Variants in TMX1 observed in about 807,000 individuals in gnomAD.
The protein encoded by TMX1 is thioredoxin related transmembrane protein 1.
Under a neutral mutation model 36.6 loss-of-function variants are expected in TMX1, and 25 were observed. That is an observed-to-expected ratio of 0.68 (90% CI 0.50 to 0.95). The LOEUF is 0.95. Among genes scored for constraint, TMX1 ranks in the 40% least tolerant of loss-of-function variants. The probability of loss-of-function intolerance (pLI) is 0.00; values close to 1 mark genes in which losing one functional copy is unlikely to be tolerated. For synonymous variants in TMX1, 133 were observed against 118.0 expected, an observed-to-expected ratio of 1.13 and a Z score of -0.82; for missense variants, 347 against 339.6, an observed-to-expected ratio of 1.02 and a Z score of -0.17.
At chr14:51,253,502 C>T (rs540633197) in intron 7 of TMX1, among the ~76,000 whole-genome samples, 11 of 152,290 alleles carry the variant, frequency 7.2e-5, no homozygotes, top group South Asian at 2.1e-4. Flanking sequence ...TCCTTCCTTG[C>T]GGGTGTCCCC....
At chr14:51,247,317 G>A in intron 4 of TMX1, 97 bp downstream of exon 4, 3 of 1,292,798 alleles carry the variant, frequency 2.3e-6, no homozygotes, top group Middle Eastern at 2.6e-4. Context: ...TGTTTCTTGA[G>A]CTGTTAAGGT....
intron 7 of TMX1, 56 bp from the exon 8 acceptor site, chr14:51,254,285 C>A: frequency 6.7e-7 from 1 of 1,494,778 alleles, no homozygotes. Flanking sequence ...CTTGATTTTA[C>A]TCTAAAGCAA....
In TMX1 at chr14:51,247,278, T is replaced by C. The variant is rs1184892051; in HGVS notation, c.443+58T>C. 11 of 1,505,298 alleles carry C rather than the reference T, an allele frequency of 7.3e-6. No individual in the cohort carries two copies. The East Asian group carries it at 1.9e-4, about 26-fold the overall frequency. The allele number at this position is 1,505,298 out of a possible 1,614,324, so 93.2% of individuals were successfully genotyped here. ...CATAATTAATTGGAACAGATAATTA[T>C]ATTTTATGTAAAGCATTCATACTCA... is the stretch of plus-strand genomic sequence containing the variant. On this transcript the variant is annotated intron_variant, in intron 4 of 7. Coordinates refer to ENST00000457354, the MANE Select transcript of TMX1 (RefSeq NM_030755.5).
At position 51,254,541 on chromosome 14, in the gene TMX1, ATAT is replaced by A. The variant is rs1485438257; in HGVS notation, c.*26_*28del. ...CTAGTTAAATTTTATAGTTATCTTAATATTATGATTTTGATAAAAACAGAAGAT... is the reference window on the plus strand; with the variant it reads ...CTAGTTAAATTTTATAGTTATCTTAATATGATTTTGATAAAAACAGAAGAT... On this transcript the variant is annotated 3_prime_UTR_variant, in exon 8 of 8. Transcript: ENST00000457354. 1 of 1,560,538 alleles carries A rather than the reference ATAT, an allele frequency of 6.4e-7. No homozygotes were observed.
Position 51,249,536 on chromosome 14 carries a change from A to G in TMX1, c.558A>G (p.Leu186=). 6.2e-7 allele frequency: 1 copy of G among 1,613,510 alleles called. No homozygotes were observed. The highest frequency in any genetic ancestry group is 1.1e-5 in the South Asian group (1 of 91,030). The change falls in exon 6 of 8, where the codon TTA becomes TTG. Residue 186 remains leucine, a synonymous_variant. Transcript: ENST00000457354. ...PVWGSYTVFA[L]ATLFSGLLLG... is the part of the protein sequence containing the mutation. ...GGGGATCATATACTGTTTTTGCTTT[A>G]GCAACTCTGTTTTCCGGACTGTTAT...
Position 51,243,945 on chromosome 14 carries a change from C to G in TMX1, c.242C>G (p.Ala81Gly). ...EWGEDLEVNI[A>G]KVDVTEQPGL... ...GGAGAAGATCTTGAGGTTAATATTG[C>G]GAAAGTAGATGTCACAGAGCAGCCA... Residue 81 changes from alanine (A) to glycine (G), a missense_variant, in exon 2 of 8, where the codon GCG becomes GGG. Physicochemically the swap from Ala to Gly is moderately conservative, Grantham distance 60 (BLOSUM62 0). Transcript: ENST00000457354. 1.2e-6 allele frequency: 2 copies of G among 1,610,170 alleles called. No individual in the cohort carries two copies. The highest frequency in any genetic ancestry group is 1.7e-6 in the Non-Finnish European group (2 of 1,178,134).
chr14:51,240,477 T>C, intron 1 of TMX1, 33 bp downstream of exon 1: 1 of 1,602,502 alleles, frequency 6.2e-7, no homozygotes, highest in African/African-American at 1.3e-5. Flanking sequence ...CCTACGTCCG[T>C]GCCTGGACAC....
rs1264247631 is a variant in TMX1, at chr14:51,256,394, C to T, written c.*1875C>T. On this transcript the variant is annotated 3_prime_UTR_variant, in exon 8 of 8. Transcript: ENST00000457354. ...CTGAACAGATAGGGTCTTGAAATTT[C>T]AGGAAACATATAATCTCACGGTTCT... 1 of 152,074 alleles carries T rather than the reference C, an allele frequency of 6.6e-6. No individual in the cohort carries two copies. The highest frequency in any genetic ancestry group is 1.5e-5 in the Non-Finnish European group (1 of 67,996). 9.4% of individuals were successfully genotyped at this position (152,074 alleles called of 1,614,324 possible).
intron 1 of TMX1, among the ~76,000 whole-genome samples, chr14:51,242,366 C>T (rs1353925069): frequency 6.6e-6 from 1 of 152,066 alleles, no homozygotes; most frequent in Non-Finnish European, 1.5e-5. Context: ...ATGCAAAATA[C>T]AGTCAAGTAT....
chr14:51,240,432 G>A lies in TMX1; in HGVS notation c.140G>A (p.Trp47Ter). ...TGGAGAGAACTGCTGGAAGGAGACTGGATGATAGAATTGTGAGTGCGGGGC... is the reference window on the plus strand; with the variant it reads ...TGGAGAGAACTGCTGGAAGGAGACTAGATGATAGAATTGTGAGTGCGGGGC... ...ENWRELLEGD[W>*]MIEFYAPWCP... The change falls in exon 1 of 8, where the codon TGG becomes TAG. Residue 47 changes from tryptophan (W) to a stop codon, truncating the protein, a stop_gained. Coordinates refer to ENST00000457354, the MANE Select transcript of TMX1 (RefSeq NM_030755.5). LOFTEE classifies it high-confidence loss of function. The A allele has an allele frequency of 6.2e-7, 1 of 1,613,802 alleles. No individual in the cohort carries two copies. Among genetic ancestry groups the A allele is most frequent in the Non-Finnish European group, 8.5e-7 (1 of 1,179,940 alleles).
At chr14:51,245,776 G>T in intron 3 of TMX1, 1 of 313,596 alleles carries the variant, frequency 3.2e-6, no homozygotes. Context: ...ATTTTATTGT[G>T]AGGACAATCT....
chr14:51,250,736 C>T (rs1222150808), intron 7 of TMX1, among the ~76,000 whole-genome samples: 2 of 152,174 alleles, frequency 1.3e-5, no homozygotes, highest in African/African-American at 4.8e-5. Flanking sequence ...CGTGATCCGC[C>T]AGCCTCGGCC....
intron 1 of TMX1, among the ~76,000 whole-genome samples, chr14:51,241,925 C>A (rs948234641): frequency 8.5e-5 from 13 of 152,118 alleles, no homozygotes; most frequent in Non-Finnish European, 1.0e-4. Context: ...GTGAGGAGAT[C>A]GAGACCATCC....
intron 2 of TMX1, among the ~76,000 whole-genome samples, chr14:51,244,589 T>G (rs1055355035): frequency 2.0e-5 from 3 of 151,694 alleles, no homozygotes; most frequent in African/African-American, 7.3e-5. Context: ...CTTAAGGAGG[T>G]TCCTTCCACA....
At chr14:51,248,706 C>T (rs1401911759) in intron 4 of TMX1, among the ~76,000 whole-genome samples, 4 of 152,222 alleles carry the variant, frequency 2.6e-5, no homozygotes, top group Non-Finnish European at 5.9e-5. Flanking sequence ...TGGGAACTCA[C>T]AGACCTTTCT....
intron 1 of TMX1, among the ~76,000 whole-genome samples, chr14:51,241,482 T>G (rs2065761058): frequency 6.6e-6 from 1 of 152,206 alleles, no homozygotes; most frequent in African/African-American, 2.4e-5. Flanking sequence ...ACCTAAATAC[T>G]TTAGTTAACC....
chr14:51,242,770 C>T (rs1002317141), intron 1 of TMX1, among the ~76,000 whole-genome samples: 3 of 151,988 alleles, frequency 2.0e-5, no homozygotes, highest in Non-Finnish European at 4.4e-5. Flanking sequence ...AAGCGAGACC[C>T]TGTTTCAAAA....
At chr14:51,249,624 TTTAAAATAG>T in intron 6 of TMX1, 55 bp downstream of exon 6, 1 of 1,596,890 alleles carries the variant, frequency 6.3e-7, no homozygotes, top group Non-Finnish European at 8.6e-7. Flanking sequence ...AATGTGATTA[TTTAAAATAG>T]TTACATTAGC....
At position 51,256,735 on chromosome 14, in the gene TMX1, A is replaced by G. The variant is rs2065840302; in HGVS notation, c.*2216A>G. 1 of 152,192 alleles carries G rather than the reference A, an allele frequency of 6.6e-6. No homozygotes were observed. The highest frequency in any genetic ancestry group is 1.5e-5 in the Non-Finnish European group (1 of 68,012). The allele number at this position is 152,192 out of a possible 1,614,324, so 9.4% of individuals were successfully genotyped here. On this transcript the variant is annotated 3_prime_UTR_variant, in exon 8 of 8. Coordinates refer to ENST00000457354, the MANE Select transcript of TMX1 (RefSeq NM_030755.5). Reference sequence around the variant, plus strand: ...AACAGCTGCCATTTACCAAGTACCTACTGGAGCTTTGTTGTTTTCTTGTAT... The same window carrying G: ...AACAGCTGCCATTTACCAAGTACCTGCTGGAGCTTTGTTGTTTTCTTGTAT...
Sources: gnomAD v4.1 joint callset for allele counts (sites outside exome capture counted in the v4.1 genomes callset) on GRCh38, gnomAD v4.1.1 for gene constraint, MANE v1.5 for transcripts, NCBI Gene and HGNC (gene_info 2026-07-23, HGNC 2026-07-21) for gene names.